The following AFAP1L2 variants were observed in gnomAD, a reference collection of about 807,000 sequenced individuals.
The protein encoded by AFAP1L2 is actin filament associated protein 1 like 2.
AFAP1L2 carries 46 observed loss-of-function variants against 99.3 expected under a neutral mutation model. The observed-to-expected ratio is 0.46, with a 90% CI of 0.37 to 0.59. The LOEUF (loss-of-function observed/expected upper bound fraction) is 0.59, where lower values mean the gene tolerates loss of function less well. Among genes scored for constraint, AFAP1L2 ranks in the 20% least tolerant of loss-of-function variants. The pLI is 0.00. For missense variants in AFAP1L2, 959 were observed against 1,034.9 expected, an observed-to-expected ratio of 0.93 and a Z score of 1.01; for synonymous variants, 397 against 419.1, an observed-to-expected ratio of 0.95 and a Z score of 0.64.
At chr10:114,319,604 C>A (rs1184874517) in intron 5 of AFAP1L2, 1 of 1,289,634 alleles carries the variant, frequency 7.8e-7, no homozygotes, top group Non-Finnish European at 1.0e-6. Context: ...GGCACCTGCA[C>A]CCATCTGGGG....
At chr10:114,332,284 C>A (rs1324616804) in intron 3 of AFAP1L2, among the ~76,000 whole-genome samples, 1 of 152,206 alleles carries the variant, frequency 6.6e-6, no homozygotes, top group Non-Finnish European at 1.5e-5. Flanking sequence ...GTGACCCCCG[C>A]CAGAGTGGCC....
At chr10:114,384,631 T>C (rs1263183990) in intron 1 of AFAP1L2, among the ~76,000 whole-genome samples, 1 of 152,112 alleles carries the variant, frequency 6.6e-6, no homozygotes, top group Non-Finnish European at 1.5e-5. Context: ...CAAGCAAGAG[T>C]CCAGGGCCAT....
chr10:114,401,206 T>C (rs1186373917), intron 1 of AFAP1L2, among the ~76,000 whole-genome samples: 2 of 152,190 alleles, frequency 1.3e-5, no homozygotes, highest in Non-Finnish European at 2.9e-5. Context: ...AAATTGAAGC[T>C]GAATATCTCA....
At chr10:114,289,947 G>A (rs1016712914), downstream of AFAP1L2, 14 of 313,442 alleles carry the variant, frequency 4.5e-5, no homozygotes, top group African/African-American at 1.1e-4. Flanking sequence ...AGCCAAGATC[G>A]CGCCATTGTA....
intron 1 of AFAP1L2, among the ~76,000 whole-genome samples, chr10:114,352,012 C>T (rs1398701058): frequency 3.3e-5 from 5 of 152,236 alleles, no homozygotes; most frequent in Middle Eastern, 3.4e-3. Context: ...GGGACTAATT[C>T]GTGGGATTAA....
In AFAP1L2 at chr10:114,300,511, T is replaced by G; in HGVS notation, c.1722A>C (p.Ala574=). The G allele has an allele frequency of 6.2e-7, 1 of 1,614,084 alleles. No homozygotes were observed. The highest frequency in any genetic ancestry group is 8.5e-7 in the Non-Finnish European group (1 of 1,180,006). Residue 574 remains alanine, a synonymous_variant, in exon 14 of 19, where the codon GCA becomes GCC. Coordinates refer to ENST00000304129, the MANE Select transcript of AFAP1L2 (RefSeq NM_001001936.3). ...CLDNATEALP[A]DSGPGPTPDE... is the part of the protein sequence containing the mutation. ...CTGGGGTGGGACCTGGGCCTGAGTC[T>G]GCCGGGAGGGCCTCAGTTGCATTGT...
chr10:114,371,157 G>C (rs2054040450), intron 1 of AFAP1L2, among the ~76,000 whole-genome samples: 1 of 152,194 alleles, frequency 6.6e-6, no homozygotes, highest in South Asian at 2.1e-4. Flanking sequence ...AGCTGGAGCT[G>C]CTCCTTCTGT....
At chr10:114,306,305 G>C in intron 10 of AFAP1L2, among the ~76,000 whole-genome samples, 1 of 145,756 alleles carries the variant, frequency 6.9e-6, no homozygotes, top group Non-Finnish European at 1.5e-5. Flanking sequence ...CTGCAGGAGG[G>C]GACGCAGATC....
At chr10:114,340,302 AGAGT>A (rs1313484401) in intron 2 of AFAP1L2, among the ~76,000 whole-genome samples, 1 of 152,198 alleles carries the variant, frequency 6.6e-6, no homozygotes, top group Non-Finnish European at 1.5e-5. Context: ...ACTGGGTGAC[AGAGT>A]GAGCCCCTGC....
chr10:114,382,501 G>A (rs2137475013), intron 1 of AFAP1L2, among the ~76,000 whole-genome samples: 1 of 151,204 alleles, frequency 6.6e-6, no homozygotes. Context: ...TGGCTAATGA[G>A]TTCAAACATA....
chr10:114,318,584 C>CA (rs1468290485), intron 5 of AFAP1L2, among the ~76,000 whole-genome samples: 3 of 149,684 alleles, frequency 2.0e-5, no homozygotes, highest in Non-Finnish European at 4.5e-5. Flanking sequence ...TCTAAAAATA[C>CA]AAAAAAAAAT....
intron 1 of AFAP1L2, chr10:114,399,037 G>T: frequency 1.6e-6 from 1 of 642,820 alleles, no homozygotes; most frequent in Non-Finnish European, 2.5e-6. Flanking sequence ...GTTCTCCAGA[G>T]CTAGAGCACG....
At chr10:114,331,099 G>A (rs183727582) in intron 4 of AFAP1L2, among the ~76,000 whole-genome samples, 19 of 152,286 alleles carry the variant, frequency 1.2e-4, no homozygotes, top group African/African-American at 4.3e-4. Flanking sequence ...TGAGGAGGCA[G>A]GACATGCAGC....
downstream of AFAP1L2, chr10:114,290,319 C>A: frequency 1.3e-6 from 2 of 1,550,604 alleles, no homozygotes; most frequent in African/African-American, 2.7e-5. Context: ...ATGGGAGCTA[C>A]CGCTGCAAGT....
chr10:114,307,992 A>G, intron 9 of AFAP1L2, 83 bp from the exon 10 acceptor site: 2 of 1,167,030 alleles, frequency 1.7e-6, no homozygotes, highest in East Asian at 4.7e-5. Context: ...TAGCAAACCC[A>G]TTTCCACTCC....
intron 1 of AFAP1L2, among the ~76,000 whole-genome samples, chr10:114,387,483 C>T (rs2056647360): frequency 6.6e-6 from 1 of 152,146 alleles, no homozygotes; most frequent in Admixed American, 6.5e-5. Context: ...CATGGCAGAC[C>T]CATGGCACAT....
At chr10:114,393,381 C>G (rs1409731827) in intron 1 of AFAP1L2, 1 of 152,216 alleles carries the variant, frequency 6.6e-6, no homozygotes, top group Non-Finnish European at 1.5e-5. Flanking sequence ...AGCCCCTGTT[C>G]TCACACAGGG....
intron 4 of AFAP1L2, among the ~76,000 whole-genome samples, chr10:114,330,712 T>C (rs1448588782): frequency 6.6e-6 from 1 of 152,204 alleles, no homozygotes; most frequent in African/African-American, 2.4e-5. Flanking sequence ...CCCACATCCA[T>C]ATGATTTTAC....
intron 1 of AFAP1L2, among the ~76,000 whole-genome samples, chr10:114,347,104 G>A (rs1156241485): frequency 1.3e-5 from 2 of 152,192 alleles, no homozygotes; most frequent in African/African-American, 4.8e-5. Flanking sequence ...GCTTTATATA[G>A]AAAGACTGTA....
Sources: allele counts gnomAD v4.1 joint callset (sites outside exome capture counted in the v4.1 genomes callset), GRCh38; gene constraint gnomAD v4.1.1; transcripts MANE v1.5; gene names NCBI Gene and HGNC (gene_info 2026-07-23, HGNC 2026-07-21).